Variants in PLRG1 observed in about 807,000 individuals in gnomAD.
PLRG1 encodes pleiotropic regulator 1 (PRL1 homolog, Arabidopsis).
Under a neutral mutation model 74.9 loss-of-function variants are expected in PLRG1, and 28 were observed. The ratio of observed to expected loss-of-function variants is 0.37; its 90% CI spans 0.28 to 0.51. PLRG1 has a LOEUF of 0.51. Ranked by LOEUF, PLRG1 falls within the 20% of genes least tolerant of loss-of-function variation. The pLI is 0.91. For synonymous variants in PLRG1, 197 were observed against 212.4 expected (o/e 0.93, Z 0.63); for missense variants, 445 against 631.9 (o/e 0.70, Z 3.17).
At chr4:154,544,394 A>G (rs1002784518) in intron 7 of PLRG1, 51 bp downstream of exon 7, 1 of 1,013,088 alleles carries the variant, frequency 9.9e-7, no homozygotes, top group African/African-American at 1.6e-5. Context: ...GTGCTTGTCA[A>G]CTACAAAGCA....
chr4:154,549,957 G>C (rs764992307), intron 1 of PLRG1, among the ~76,000 whole-genome samples: 37 of 152,226 alleles, frequency 2.4e-4, no homozygotes, highest in Non-Finnish European at 4.6e-4. Context: ...CAATCTTTTA[G>C]GGCACAGACT....
rs189332644 is a variant in PLRG1, at chr4:154,539,254, G to C, written c.1043-41C>G. ...ATATATCCCTCAAAACATAGACCAG[G>C]AAAAATAATGCAAAAGTTAAATAAA... is the stretch of plus-strand genomic sequence containing the variant. On this transcript the variant is annotated intron_variant, in intron 11 of 14. Coordinates refer to ENST00000499023, the MANE Select transcript of PLRG1 (RefSeq NM_002669.4). 7.0e-4 allele frequency: 777 copies of C among 1,111,374 alleles called. 3 individuals carry two copies. Among genetic ancestry groups the C allele is most frequent in the African/African-American group, 4.7e-3 (309 of 65,174 alleles). The allele number at this position is 1,111,374 out of a possible 1,614,324, so 68.8% of individuals were successfully genotyped here.
At chr4:154,540,736 AAGAT>A in intron 9 of PLRG1, 41 bp from the exon 10 acceptor site, 1 of 1,608,354 alleles carries the variant, frequency 6.2e-7, no homozygotes. Context: ...TAGAATTAGA[AAGAT>A]AAATAGTAGT....
At chr4:154,547,582 AC>A (rs1215480412) in intron 3 of PLRG1, 128 bp downstream of exon 3, 109 of 758,288 alleles carry the variant, frequency 1.4e-4, no homozygotes, top group East Asian at 1.4e-3. Flanking sequence ...CCATTATAAT[AC>A]AGGTACGGCC....
Position 154,547,838 on chromosome 4 carries a change from C to T in PLRG1, c.132G>A (p.Met44Ile). ...PLDEESHKRK[M>I]AIKLRNEYGP... Reference sequence around the variant, plus strand: ...CATACTCATTACGAAGCTTGATTGCCATTTTTCGTTTGTGACTATTTAGAA... The same window carrying T: ...CATACTCATTACGAAGCTTGATTGCTATTTTTCGTTTGTGACTATTTAGAA... The change falls in exon 3 of 15, where the codon ATG (methionine) becomes ATA (isoleucine). Residue 44 changes from methionine (M) to isoleucine (I), a missense_variant. Physicochemically the swap from Met to Ile is conservative, Grantham distance 10. Coordinates refer to ENST00000499023, the MANE Select transcript of PLRG1 (RefSeq NM_002669.4). The T allele has an allele frequency of 1.2e-6, 2 of 1,606,538 alleles. No individual in the cohort carries two copies. Among genetic ancestry groups the T allele is most frequent in the Non-Finnish European group, 1.7e-6 (2 of 1,176,134 alleles).
chr4:154,540,270 C>T, intron 10 of PLRG1: 1 of 582,204 alleles, frequency 1.7e-6, no homozygotes, highest in South Asian at 2.2e-5. Context: ...GATCAGGGTA[C>T]TGAAAATCTA....
chr4:154,538,613 G>C (rs536594113), intron 12 of PLRG1, among the ~76,000 whole-genome samples: 1 of 150,280 alleles, frequency 6.7e-6, no homozygotes, highest in African/African-American at 2.4e-5. Flanking sequence ...AGGAAGGAGA[G>C]GAAGAATCCA....
chr4:154,542,555 G>A (rs1258469495), intron 7 of PLRG1, among the ~76,000 whole-genome samples: 1 of 152,122 alleles, frequency 6.6e-6, no homozygotes, highest in Non-Finnish European at 1.5e-5. Context: ...CTGTGTGAAG[G>A]AAGCCAGTCT....
rs978552732 is a variant in PLRG1 at position 154,545,865 on chromosome 4, C to T, written c.463G>A (p.Asp155Asn). ...GSEYRHPGAS[D>N]RPQPTAMNSI... Reference sequence around the variant, plus strand: ...TTCATCGCTGTAGGCTGTGGACGGTCAGAAGCCCCAGGATGTCGGTATTCA... The same window carrying T: ...TTCATCGCTGTAGGCTGTGGACGGTTAGAAGCCCCAGGATGTCGGTATTCA... Residue 155 changes from aspartate to asparagine, a missense_variant, in exon 6 of 15, where the codon GAC becomes AAC. By Grantham distance (23) the Asp-to-Asn change is conservative (BLOSUM62 1). Around this residue, in one of 3 missense-constraint regions of PLRG1, gnomAD observed 206 missense variants for 210.8 expected, o/e 0.98. Coordinates refer to ENST00000499023, the MANE Select transcript of PLRG1 (RefSeq NM_002669.4). 5 of 1,612,430 alleles carry T rather than the reference C, an allele frequency of 3.1e-6. No individual in the cohort carries two copies. The Admixed American group carries it at 8.3e-5, about 27-fold the overall frequency.
chr4:154,548,185 A>T (rs1190072309), intron 2 of PLRG1, among the ~76,000 whole-genome samples: 1 of 152,206 alleles, frequency 6.6e-6, no homozygotes, highest in Non-Finnish European at 1.5e-5. Context: ...TTCCTTCAAA[A>T]TATAAATATA....
chr4:154,542,425 TTCAG>T, intron 7 of PLRG1, 146 bp from the exon 8 acceptor site: 1 of 612,240 alleles, frequency 1.6e-6, no homozygotes, highest in Non-Finnish European at 3.0e-6. Flanking sequence ...TGAAATTATC[TTCAG>T]TGAGTTAATA....
At chr4:154,547,877 G>C in intron 2 of PLRG1, 24 bp from the exon 3 acceptor site, 1 of 1,558,532 alleles carries the variant, frequency 6.4e-7, no homozygotes, top group East Asian at 2.3e-5. Context: ...ATAAACATAA[G>C]AACGTATCCA....
At chr4:154,549,154 T>C (rs1729713283) in intron 1 of PLRG1, 1 of 535,288 alleles carries the variant, frequency 1.9e-6, no homozygotes, top group African/African-American at 1.9e-5. Context: ...ATGCCGGAGT[T>C]TAACTTACTC....
rs1312917453 is a variant in PLRG1 at position 154,536,665 on chromosome 4, G to A, written c.*20C>T. On this transcript the variant is annotated 3_prime_UTR_variant, in exon 15 of 15. Transcript: ENST00000499023. ...TTAATTAAAAAGAAAAAAAAAGAGA[G>A]AGAAAAAATTCCACATTCATTAAAA... is the stretch of plus-strand genomic sequence containing the variant. 2 of 1,297,290 alleles carry A rather than the reference G, an allele frequency of 1.5e-6. No individual in the cohort carries two copies. The highest frequency in any genetic ancestry group is 2.3e-5 in the East Asian group (1 of 42,860). 80.4% of individuals were successfully genotyped at this position (1,297,290 alleles called of 1,614,324 possible). A position where few individuals can be genotyped will look rare whatever the true frequency, so the allele number is the denominator to read the frequency against.
rs540420161 is a variant in PLRG1 at position 154,544,779 on chromosome 4, A to G, written c.493-233T>C. 4.6e-5 allele frequency among the ~76,000 whole-genome samples: 7 copies of G among 152,342 alleles called. No individual in the cohort carries two copies. The East Asian group carries it at 1.4e-3, about 29-fold the overall frequency. ...TACGGGTTCAAAACCCAGCTTGGCCAATTACTAGCTGTTTGACATTAGGTA... is the reference window on the plus strand; with the variant it reads ...TACGGGTTCAAAACCCAGCTTGGCCGATTACTAGCTGTTTGACATTAGGTA... On this transcript the variant is annotated intron_variant, in intron 6 of 14. Transcript: ENST00000499023.
chr4:154,538,408 G>A (rs1729493746), intron 12 of PLRG1, among the ~76,000 whole-genome samples: 1 of 151,980 alleles, frequency 6.6e-6, no homozygotes, highest in Non-Finnish European at 1.5e-5. Context: ...CACATGAAGG[G>A]CAATGTGTTA....
At position 154,536,414 on chromosome 4, in the gene PLRG1, T is replaced by A. The variant is rs1169774246; in HGVS notation, c.*271A>T. On this transcript the variant is annotated 3_prime_UTR_variant, in exon 15 of 15. Coordinates refer to ENST00000499023, the MANE Select transcript of PLRG1 (RefSeq NM_002669.4). ...GTTTTCTAATAAGACTGTCAAAATA[T>A]TACATCTAGAATAGTTATGTTCAAT... 2 of 258,782 alleles carry A rather than the reference T, an allele frequency of 7.7e-6. No homozygotes were observed. Among genetic ancestry groups the A allele is most frequent in the Admixed American group, 1.1e-4 (2 of 18,570 alleles). 16.0% of individuals were successfully genotyped at this position (258,782 alleles called of 1,614,324 possible). A position where few individuals can be genotyped will look rare whatever the true frequency, so the allele number is the denominator to read the frequency against.
intron 2 of PLRG1, among the ~76,000 whole-genome samples, chr4:154,548,572 T>G (rs1299506387): frequency 6.6e-6 from 1 of 152,186 alleles, no homozygotes; most frequent in Non-Finnish European, 1.5e-5. Flanking sequence ...ACAAAGTGAT[T>G]GATTATAAAA....
chr4:154,543,789 TATTAA>T (rs1340086366), intron 7 of PLRG1: 1 of 152,228 alleles, frequency 6.6e-6, no homozygotes, highest in African/African-American at 2.4e-5. Context: ...TTAAGATACA[TATTAA>T]ATTATGTGTA....
Sources: allele counts gnomAD v4.1 joint callset (sites outside exome capture counted in the v4.1 genomes callset), GRCh38; gene constraint gnomAD v4.1.1; regional missense constraint gnomAD v4.1.1; transcripts MANE v1.5; gene names NCBI Gene and HGNC (gene_info 2026-07-23, HGNC 2026-07-21).